Variants in LRRC3B observed in about 807,000 individuals in gnomAD.
LRRC3B encodes leucine rich repeat containing 3B, also known as leucine-rich repeat-containing protein 3B.
Under a neutral mutation model 12.8 loss-of-function variants are expected in LRRC3B, and 2 were observed. The ratio of observed to expected loss-of-function variants is 0.16; its 90% CI spans 0.06 to 0.49. The LOEUF (loss-of-function observed/expected upper bound fraction) is 0.49. LRRC3B is among the 20% of genes least tolerant of loss of function. The pLI is 0.96. For synonymous variants in LRRC3B, 132 were observed against 122.0 expected, an observed-to-expected ratio of 1.08 and a Z score of -0.54; for missense variants, 189 against 319.4, an observed-to-expected ratio of 0.59 and a Z score of 3.11.
chr3:26,633,284 G>A (rs1258215739), intron 1 of LRRC3B, among the ~76,000 whole-genome samples: 1 of 152,134 alleles, frequency 6.6e-6, no homozygotes, highest in Non-Finnish European at 1.5e-5. Flanking sequence ...AGCTGAGTGA[G>A]TGACTGTGGG....
At chr3:26,665,724 T>C (rs1699584671) in intron 1 of LRRC3B, among the ~76,000 whole-genome samples, 1 of 152,194 alleles carries the variant, frequency 6.6e-6, no homozygotes, top group African/African-American at 2.4e-5. Flanking sequence ...TTGGTAATTG[T>C]TGAAATTCCA....
intron 1 of LRRC3B, among the ~76,000 whole-genome samples, chr3:26,657,528 A>T (rs1000537804): frequency 3.9e-5 from 6 of 152,176 alleles, no homozygotes; most frequent in African/African-American, 1.4e-4. Flanking sequence ...ATCCTTAGTG[A>T]TCACATTCTA....
At position 26,655,063 on chromosome 3, in the gene LRRC3B, GTCTA is replaced by G. The variant is rs1481664656; in HGVS notation, c.-161+31830_-161+31833del. 3.2e-4 allele frequency among the ~76,000 whole-genome samples: 48 copies of G among 152,050 alleles called. 1 individual carries two copies. The highest frequency in any genetic ancestry group is 2.1e-4 in the South Asian group (1 of 4,822). ...CAATCTACTTATTTAGCTATCATCT[GTCTA>G]TCTGTCTGTCTGTCCATGAACATTT... On this transcript the variant is annotated intron_variant, in intron 1 of 1. Transcript: ENST00000396641.
intron 1 of LRRC3B, among the ~76,000 whole-genome samples, chr3:26,671,375 G>A (rs866295013): frequency 2.1e-5 from 1 of 48,116 alleles, no homozygotes; most frequent in Non-Finnish European, 3.6e-5. Flanking sequence ...TATATATATA[G>A]AGAGAGAGAG....
chr3:26,639,980 G>A (rs1041113673), intron 1 of LRRC3B, among the ~76,000 whole-genome samples: 4 of 151,988 alleles, frequency 2.6e-5, no homozygotes, highest in African/African-American at 9.7e-5. Flanking sequence ...GGAAGTTAAT[G>A]TCTCTACACC....
At chr3:26,649,145 T>C (rs1406437162) in intron 1 of LRRC3B, among the ~76,000 whole-genome samples, 2 of 152,212 alleles carry the variant, frequency 1.3e-5, no homozygotes, top group Non-Finnish European at 2.9e-5. Flanking sequence ...AAATAGAGTA[T>C]AGATCTGATA....
intron 1 of LRRC3B, among the ~76,000 whole-genome samples, chr3:26,698,686 A>T (rs1700378958): frequency 6.6e-6 from 1 of 151,950 alleles, no homozygotes; most frequent in Admixed American, 6.6e-5. Flanking sequence ...AAATTGTTAA[A>T]TTTTTCCCAT....
chr3:26,671,350 G>GTATGTATATATATATATA (rs1553603719), intron 1 of LRRC3B, among the ~76,000 whole-genome samples: 3 of 56,748 alleles, frequency 5.3e-5, no homozygotes, highest in Non-Finnish European at 8.9e-5. Flanking sequence ...ATATATGTGT[G>GTATGTATATATATATATA]TATATATATA....
intron 1 of LRRC3B, among the ~76,000 whole-genome samples, chr3:26,648,928 A>G (rs1217782290): frequency 1.3e-5 from 2 of 152,222 alleles, no homozygotes; most frequent in Admixed American, 1.3e-4. Flanking sequence ...AGGCAACTCA[A>G]AAATAAGAAT....
intron 1 of LRRC3B, among the ~76,000 whole-genome samples, chr3:26,665,469 C>T (rs564958483): frequency 7.2e-5 from 11 of 152,026 alleles, no homozygotes; most frequent in Non-Finnish European, 1.3e-4. Flanking sequence ...AGCTTACTTC[C>T]GTTTGTGTTT....
chr3:26,675,398 C>T (rs889681544), intron 1 of LRRC3B, among the ~76,000 whole-genome samples: 1 of 152,194 alleles, frequency 6.6e-6, no homozygotes, highest in Non-Finnish European at 1.5e-5. Context: ...CAGCCAGACA[C>T]ACACTGTGCC....
intron 1 of LRRC3B, among the ~76,000 whole-genome samples, chr3:26,687,896 T>G (rs1700117576): frequency 6.6e-6 from 1 of 152,224 alleles, no homozygotes; most frequent in African/African-American, 2.4e-5. Context: ...CTCCTGCAGC[T>G]TTATCTCATC....
At chr3:26,682,056 A>C (rs1699983410) in intron 1 of LRRC3B, among the ~76,000 whole-genome samples, 2 of 152,098 alleles carry the variant, frequency 1.3e-5, no homozygotes, top group Non-Finnish European at 2.9e-5. Context: ...TTCTTAATAA[A>C]ATTTATATGA....
intron 1 of LRRC3B, among the ~76,000 whole-genome samples, chr3:26,664,773 C>T (rs1010409876): frequency 6.6e-6 from 1 of 152,048 alleles, no homozygotes; most frequent in Non-Finnish European, 1.5e-5. Flanking sequence ...GGTGAGGCAG[C>T]TCTCGCATCT....
chr3:26,646,304 T>C (rs1185210410), intron 1 of LRRC3B, among the ~76,000 whole-genome samples: 1 of 152,180 alleles, frequency 6.6e-6, no homozygotes, highest in East Asian at 1.9e-4. Flanking sequence ...TAATTCAATA[T>C]GACAGGTTTC....
At chr3:26,666,514 T>A (rs1225643809) in intron 1 of LRRC3B, among the ~76,000 whole-genome samples, 1 of 152,126 alleles carries the variant, frequency 6.6e-6, no homozygotes, top group East Asian at 1.9e-4. Flanking sequence ...CAACCAATCC[T>A]GCCAACTGCT....
intron 1 of LRRC3B, among the ~76,000 whole-genome samples, chr3:26,638,666 A>G (rs1351674127): frequency 1.3e-5 from 2 of 152,244 alleles, no homozygotes; most frequent in Admixed American, 6.5e-5. Flanking sequence ...AAAGTTTGCA[A>G]TTGACTTCAT....
chr3:26,635,612 C>T (rs961057702), intron 1 of LRRC3B, among the ~76,000 whole-genome samples: 2 of 152,236 alleles, frequency 1.3e-5, no homozygotes, highest in African/African-American at 2.4e-5. Context: ...GGTATCTTCT[C>T]CAGAACTGTG....
chr3:26,661,315 T>C (rs1346774423), intron 1 of LRRC3B, among the ~76,000 whole-genome samples: 5 of 152,196 alleles, frequency 3.3e-5, no homozygotes, highest in Admixed American at 6.5e-5. Context: ...TTATCCAAAG[T>C]TCACTATTGT....
Sources: allele counts gnomAD v4.1 joint callset (sites outside exome capture counted in the v4.1 genomes callset), GRCh38; gene constraint gnomAD v4.1.1; transcripts MANE v1.5; gene names NCBI Gene and HGNC (gene_info 2026-07-23, HGNC 2026-07-21).